NDST1: variants seen among roughly 807,000 people sequenced by gnomAD.
NDST1 encodes the protein N-deacetylase and N-sulfotransferase 1.
Under a neutral mutation model 92.8 loss-of-function variants are expected in NDST1, and 35 were observed. That is an observed-to-expected ratio of 0.38 (90% CI 0.29 to 0.50). The LOEUF (loss-of-function observed/expected upper bound fraction) is 0.50. Ranked by LOEUF, NDST1 falls within the 20% of genes least tolerant of loss-of-function variation. NDST1 has a pLI of 0.94. For missense variants in NDST1, 822 were observed against 1,182.7 expected (o/e 0.69, Z 4.47); for synonymous variants, 493 against 500.3 (o/e 0.99, Z 0.19).
At position 150,539,203 on chromosome 5, in the gene NDST1, C is replaced by G. The variant is rs776220373; in HGVS notation, c.1438-25C>G. ...ACCCTCATGCCAGAAGGCACCATAGCTCCTCTCCCCCACCCCCTCCTCAGG... is the reference window on the plus strand; with the variant it reads ...ACCCTCATGCCAGAAGGCACCATAGGTCCTCTCCCCCACCCCCTCCTCAGG... On this transcript the variant is annotated intron_variant, in intron 6 of 14. Transcript: ENST00000261797. The G allele has an allele frequency of 1.1e-5, 17 of 1,590,556 alleles. No individual in the cohort carries two copies. In the East Asian group the frequency reaches 3.6e-4, roughly 33 times the overall value.
chr5:150,530,940 G>A (rs1352793276), intron 3 of NDST1, among the ~76,000 whole-genome samples: 1 of 152,076 alleles, frequency 6.6e-6, no homozygotes, highest in Admixed American at 6.6e-5. Context: ...AGAAAAATAG[G>A]ATACAAACCA....
intron 7 of NDST1, chr5:150,539,658 A>G (rs1407226404): frequency 1.2e-5 from 12 of 985,256 alleles, no homozygotes; most frequent in Non-Finnish European, 1.4e-5. Flanking sequence ...AGATACACAC[A>G]CATATATGAA....
chr5:150,544,654 A>AG (rs1202557204), intron 10 of NDST1, among the ~76,000 whole-genome samples: 1 of 152,194 alleles, frequency 6.6e-6, no homozygotes, highest in African/African-American at 2.4e-5. Context: ...GAGTTTGCAT[A>AG]GGTAGATTCC....
Position 150,534,988 on chromosome 5 carries a change from C to T in NDST1, c.1218C>T (p.Ala406=), listed in dbSNP as rs374549152. 70 of 1,614,106 alleles carry T rather than the reference C, an allele frequency of 4.3e-5. No homozygotes were observed. Among genetic ancestry groups the T allele is most frequent in the South Asian group, 6.6e-5 (6 of 91,082 alleles). Residue 406 remains alanine (A), a synonymous_variant, in exon 5 of 15, where the codon GCC becomes GCT. Coordinates refer to ENST00000261797, the MANE Select transcript of NDST1 (RefSeq NM_001543.5). The part of the protein sequence containing the change: ...PHLFHNQSVL[A]EQMALNKKFA... ...TTTTCCACAACCAGTCCGTGTTGGCCGAGCAGATGGCCTTGAACAAGAAGT... is the reference window on the plus strand; with the variant it reads ...TTTTCCACAACCAGTCCGTGTTGGCTGAGCAGATGGCCTTGAACAAGAAGT...
In NDST1 at chr5:150,553,995, A is replaced by G. The variant is rs1392144567; in HGVS notation, c.*663A>G. On this transcript the variant is annotated 3_prime_UTR_variant, in exon 15 of 15. Transcript: ENST00000261797. This position sits in a 1 kb window ranked among gnomAD's most constrained non-coding sequence, Gnocchi z 4.2. Reference sequence around the variant, plus strand: ...CAGGGCCTTGGGGCACTGCCTTGCCATCGGGCCCAGTTCTCCGGGCCCCAC... The same window carrying G: ...CAGGGCCTTGGGGCACTGCCTTGCCGTCGGGCCCAGTTCTCCGGGCCCCAC... 2 of 407,644 alleles carry G rather than the reference A, an allele frequency of 4.9e-6. No individual in the cohort carries two copies. The highest frequency in any genetic ancestry group is 8.7e-6 in the Non-Finnish European group (2 of 230,318). 25.3% of individuals were successfully genotyped at this position (407,644 alleles called of 1,614,324 possible).
chr5:150,532,891 G>A, intron 3 of NDST1, 54 bp from the exon 4 acceptor site: 2 of 1,510,764 alleles, frequency 1.3e-6, no homozygotes, highest in Middle Eastern at 1.7e-4. Flanking sequence ...AGTGGGAAAA[G>A]CAGGGAGCTC....
rs1003413104 is a variant in NDST1 at position 150,554,003 on chromosome 5, C to T, written c.*671C>T. The T allele has an allele frequency of 1.7e-5, 7 of 407,846 alleles. No individual in the cohort carries two copies. The highest frequency in any genetic ancestry group is 6.2e-4 in the Middle Eastern group (1 of 1,612). The allele number at this position is 407,846 out of a possible 1,614,324, so 25.3% of individuals were successfully genotyped here. A position where few individuals can be genotyped will look rare whatever the true frequency, so the allele number is the denominator to read the frequency against. ...TGGGGCACTGCCTTGCCATCGGGCC[C>T]AGTTCTCCGGGCCCCACCTGCACCC... On this transcript the variant is annotated 3_prime_UTR_variant, in exon 15 of 15. Coordinates refer to ENST00000261797, the MANE Select transcript of NDST1 (RefSeq NM_001543.5).
chr5:150,504,230 C>T (rs936446733), upstream of NDST1, among the ~76,000 whole-genome samples: 3 of 152,166 alleles, frequency 2.0e-5, no homozygotes, highest in East Asian at 1.9e-4. Flanking sequence ...AGGCTGTCAC[C>T]GGGCATTGCT....
intron 3 of NDST1, 68 bp from the exon 4 acceptor site, chr5:150,532,877 C>A: frequency 7.2e-7 from 1 of 1,393,722 alleles, no homozygotes; most frequent in Non-Finnish European, 1.0e-6. Context: ...TTTTCACTGC[C>A]CTCAGTGGGA....
At chr5:150,511,687 G>A (rs1038006279) in intron 1 of NDST1, among the ~76,000 whole-genome samples, 6 of 152,124 alleles carry the variant, frequency 3.9e-5, no homozygotes, top group African/African-American at 1.4e-4. Context: ...GGACTCTGGG[G>A]TGACTGACAG....
At chr5:150,541,702 T>C (rs765816672) in intron 9 of NDST1, 36 bp downstream of exon 9, 2 of 1,586,692 alleles carry the variant, frequency 1.3e-6, no homozygotes, top group Non-Finnish European at 1.7e-6. Context: ...CTTCCCCAAC[T>C]GCCTGCTGTC....
intron 10 of NDST1, 130 bp downstream of exon 10, chr5:150,543,101 A>G: frequency 2.4e-6 from 3 of 1,227,364 alleles, no homozygotes; most frequent in Non-Finnish European, 3.6e-6. Flanking sequence ...AAACAGGGAC[A>G]AAGTGCAGTG....
chr5:150,549,849 G>A, intron 13 of NDST1, 62 bp downstream of exon 13: 1 of 990,550 alleles, frequency 1.0e-6, no homozygotes, highest in South Asian at 1.3e-5. Flanking sequence ...GGCCAACAAA[G>A]CCAAAGTCTT....
chr5:150,500,644 G>T (rs150750387), intron 1 of NDST1, among the ~76,000 whole-genome samples: 25 of 152,342 alleles, frequency 1.6e-4, no homozygotes, highest in Middle Eastern at 6.8e-3. Context: ...CTGGCTCAAA[G>T]TGGGCAAGTG....
chr5:150,547,387 C>T (rs1430319279), intron 11 of NDST1, among the ~76,000 whole-genome samples: 1 of 152,146 alleles, frequency 6.6e-6, no homozygotes, highest in Non-Finnish European at 1.5e-5. Context: ...GTGTGATCCT[C>T]AGGGGAGGGG....
Position 150,534,783 on chromosome 5 carries a change from A to G in NDST1, c.1097-84A>G, listed in dbSNP as rs1437055348. The G allele has an allele frequency of 2.5e-6, 4 of 1,572,216 alleles. No homozygotes were observed. In the African/African-American group the frequency reaches 5.4e-5, roughly 21 times the overall value. On this transcript the variant is annotated intron_variant, in intron 4 of 14. Coordinates refer to ENST00000261797, the MANE Select transcript of NDST1 (RefSeq NM_001543.5). ...GGCAGCTCCTGGGTGGGCTCTGGCC[A>G]TGCTCTCCCATCCCCAGGCACAGGC...
intron 2 of NDST1, among the ~76,000 whole-genome samples, chr5:150,522,443 G>A (rs993059834): frequency 3.9e-5 from 6 of 152,098 alleles, no homozygotes; most frequent in African/African-American, 1.2e-4. Context: ...CCTTGGCGGG[G>A]GGAGGTTGGG....
chr5:150,501,014 C>G (rs553393245), intron 1 of NDST1, among the ~76,000 whole-genome samples: 3 of 152,304 alleles, frequency 2.0e-5, no homozygotes, highest in African/African-American at 7.2e-5. Context: ...AATGAACCAT[C>G]GTCACAGCCA....
chr5:150,498,276 C>G (rs1753081441), intron 1 of NDST1: 1 of 152,252 alleles, frequency 6.6e-6, no homozygotes, highest in Non-Finnish European at 1.5e-5. Flanking sequence ...AGTAAAATGG[C>G]AATAACAGTA....
Sources: allele counts gnomAD v4.1 joint callset (sites outside exome capture counted in the v4.1 genomes callset), GRCh38; gene constraint gnomAD v4.1.1; non-coding constraint Gnocchi (gnomAD v3.1); transcripts MANE v1.5; gene names NCBI Gene and HGNC (gene_info 2026-07-23, HGNC 2026-07-21).